Variants in HCK observed in about 807,000 individuals in gnomAD.
The protein encoded by HCK is HCK proto-oncogene, Src family tyrosine kinase, also known as tyrosine-protein kinase HCK.
Under a neutral mutation model 70.4 loss-of-function variants are expected in HCK, and 40 were observed. The observed-to-expected ratio is 0.57, with a 90% CI of 0.44 to 0.74. The LOEUF (loss-of-function observed/expected upper bound fraction) is 0.74, where lower values mean the gene tolerates loss of function less well. Among genes scored for constraint, HCK ranks in the 30% least tolerant of loss-of-function variants. The pLI, the probability that HCK is intolerant of heterozygous loss-of-function variation, is 0.00. For missense variants in HCK, 568 were observed against 697.2 expected (o/e 0.81, Z 2.09); for synonymous variants, 245 against 263.2 (o/e 0.93, Z 0.67).
chr20:32,055,863 T>A (rs537624184), intron 1 of HCK, among the ~76,000 whole-genome samples: 5 of 152,292 alleles, frequency 3.3e-5, no homozygotes, highest in Admixed American at 3.3e-4. Context: ...ACCACCAATC[T>A]GCTTTTTGCC....
intron 1 of HCK, chr20:32,054,318 T>C (rs1385577511): frequency 2.2e-6 from 1 of 455,536 alleles, no homozygotes; most frequent in Non-Finnish European, 4.4e-6. Context: ...TTTTGTGTGC[T>C]TTAAAAATGC....
chr20:32,084,423 G>A lies in HCK; in HGVS notation c.715G>A (p.Val239Met), dbSNP rs917816166. 1.9e-6 allele frequency: 3 copies of A among 1,613,978 alleles called. No individual in the cohort carries two copies. In the African/African-American group the frequency reaches 4.0e-5, roughly 22 times the overall value. ...CGACGGGCTCTGCCAGAAACTGTCG[G>A]TGCCCTGCATGTCTTCCAAGCCCCA... The change falls in exon 8 of 13, where the codon GTG becomes ATG. Residue 239 changes from valine (V) to methionine (M), a missense_variant. Around this residue, in one of 4 missense-constraint regions of HCK, gnomAD observed 318 missense variants for 336.0 expected, o/e 0.95. Coordinates refer to ENST00000375852, the MANE Select transcript of HCK (RefSeq NM_002110.5).
At chr20:32,067,248 T>C (rs2045471514) in intron 1 of HCK, among the ~76,000 whole-genome samples, 1 of 152,196 alleles carries the variant, frequency 6.6e-6, no homozygotes, top group African/African-American at 2.4e-5. Flanking sequence ...TAACAAATTT[T>C]CCATCCTAAT....
intron 11 of HCK, among the ~76,000 whole-genome samples, chr20:32,098,488 A>C (rs1177464266): frequency 6.6e-6 from 1 of 152,106 alleles, no homozygotes; most frequent in Middle Eastern, 3.2e-3. Flanking sequence ...CTGTCTCTAA[A>C]AGAAAAAAAA....
chr20:32,070,023 A>C lies in HCK; in HGVS notation c.63-1639A>C, dbSNP rs114992393. Among the ~76,000 whole-genome samples the C allele has an allele frequency of 1.5e-3, 229 of 152,266 alleles. 2 individuals carry two copies. The highest frequency in any genetic ancestry group is 5.1e-3 in the African/African-American group (211 of 41,536). Reference sequence around the variant, plus strand: ...AATGAAACATTTCTTCCACTTTTACAATTATGTTTTGACTCTACTTGGAGT... The same window carrying C: ...AATGAAACATTTCTTCCACTTTTACCATTATGTTTTGACTCTACTTGGAGT... On this transcript the variant is annotated intron_variant, in intron 1 of 12. Transcript: ENST00000375852.
chr20:32,099,933 T>G (rs2122260005), intron 12 of HCK, among the ~76,000 whole-genome samples: 1 of 150,832 alleles, frequency 6.6e-6, no homozygotes, highest in South Asian at 2.1e-4. Context: ...AAGGTCTCAC[T>G]CTGTCACTGA....
chr20:32,082,760 T>C (rs1317913538), intron 6 of HCK, among the ~76,000 whole-genome samples: 1 of 152,058 alleles, frequency 6.6e-6, no homozygotes, highest in Non-Finnish European at 1.5e-5. Flanking sequence ...AGCTCACAAA[T>C]AGCAAAACGG....
intron 9 of HCK, among the ~76,000 whole-genome samples, chr20:32,088,058 G>T (rs1339644789): frequency 1.3e-5 from 2 of 152,014 alleles, no homozygotes; most frequent in African/African-American, 4.8e-5. Flanking sequence ...CACTGAGCCT[G>T]GCCTAACATA....
chr20:32,069,886 C>A, intron 1 of HCK: 1 of 578,040 alleles, frequency 1.7e-6, no homozygotes, highest in Non-Finnish European at 2.6e-6. Context: ...TGAGTTCTAA[C>A]TGCTTTAGAA....
rs531985542 is a variant in HCK at position 32,058,329 on chromosome 20, C to T, written c.62+5843C>T. Among the ~76,000 whole-genome samples the T allele has an allele frequency of 3.9e-5, 6 of 152,120 alleles. No homozygotes were observed. In the East Asian group the frequency reaches 1.2e-3, roughly 29 times the overall value. On this transcript the variant is annotated intron_variant, in intron 1 of 12. Coordinates refer to ENST00000375852, the MANE Select transcript of HCK (RefSeq NM_002110.5). The stretch of plus-strand genomic sequence containing the variant: ...GGTGGATCACCTGAGGTCAGGAGTT[C>T]AAGACCAGCCTGGCCAACATGGTGA...
At chr20:32,098,896 C>G in intron 11 of HCK, 108 bp from the exon 12 acceptor site, 1 of 1,248,808 alleles carries the variant, frequency 8.0e-7, no homozygotes. Flanking sequence ...TGCAGGTCTG[C>G]AGGGGCAGAT....
At chr20:32,078,856 C>CAAAAAAA (rs368194350) in intron 5 of HCK, among the ~76,000 whole-genome samples, 6 of 36,212 alleles carry the variant, frequency 1.7e-4, no homozygotes, top group Admixed American at 7.3e-4. Context: ...GACTCAGTCT[C>CAAAAAAA]AAAAAAAAAA....
Position 32,079,840 on chromosome 20 carries a change from G to A in HCK, c.495G>A (p.Leu165=). 6.2e-7 allele frequency: 1 copy of A among 1,614,048 alleles called. No homozygotes were observed. The highest frequency in any genetic ancestry group is 8.5e-7 in the Non-Finnish European group (1 of 1,179,924). ...AACTGCTGGCTCCCGGCAACATGCT[G>A]GGCTCCTTCATGATCCGGGATAGCG... Residue 165 remains leucine (L), a synonymous_variant, in exon 6 of 13, where the codon CTG becomes CTA. Transcript: ENST00000375852.
At chr20:32,090,576 T>C (rs866103868) in intron 10 of HCK, among the ~76,000 whole-genome samples, 2 of 152,166 alleles carry the variant, frequency 1.3e-5, no homozygotes, top group South Asian at 2.1e-4. Context: ...CATATAACCT[T>C]GAGGCATCCA....
intron 1 of HCK, among the ~76,000 whole-genome samples, chr20:32,053,661 A>G (rs1022682746): frequency 6.6e-6 from 1 of 150,542 alleles, no homozygotes; most frequent in African/African-American, 2.4e-5. Flanking sequence ...AAAAAAAAAA[A>G]GTTACTGAAG....
intron 11 of HCK, among the ~76,000 whole-genome samples, chr20:32,094,781 G>A (rs1431722383): frequency 0.045 from 3,854 of 86,548 alleles, 217 homozygotes; most frequent in African/African-American, 0.088. Context: ...AAGAAAGAGA[G>A]AGAAAGAGAA....
intron 1 of HCK, among the ~76,000 whole-genome samples, chr20:32,071,334 A>G (rs1249025541): frequency 6.6e-6 from 1 of 152,214 alleles, no homozygotes; most frequent in East Asian, 1.9e-4. Flanking sequence ...TGCCCACCCA[A>G]CAGCTCTACC....
chr20:32,077,803 C>T (rs184284107), intron 5 of HCK, among the ~76,000 whole-genome samples: 64 of 151,598 alleles, frequency 4.2e-4, no homozygotes, highest in African/African-American at 1.4e-3. Context: ...GGATTACAGG[C>T]GTGAGCCACT....
At position 32,085,318 on chromosome 20, in the gene HCK, A is replaced by G. The variant is rs147341816; in HGVS notation, c.835+775A>G. Among the ~76,000 whole-genome samples the G allele has an allele frequency of 2.8e-3, 427 of 152,194 alleles. 4 individuals carry two copies. Among genetic ancestry groups the G allele is most frequent in the African/African-American group, 9.6e-3 (398 of 41,524 alleles). On this transcript the variant is annotated intron_variant, in intron 8 of 12. Coordinates refer to ENST00000375852, the MANE Select transcript of HCK (RefSeq NM_002110.5). ...AATCAAGGTCAGCAGTTCGAGAAAA[A>G]CCTGGATAGTATAGTGAAATCCCGT...
Sources: gnomAD v4.1 joint callset for allele counts (sites outside exome capture counted in the v4.1 genomes callset) on GRCh38, gnomAD v4.1.1 for gene constraint, gnomAD v4.1.1 regional missense constraint, MANE v1.5 for transcripts, NCBI Gene and HGNC (gene_info 2026-07-23, HGNC 2026-07-21) for gene names.